The following FAM168A variants were observed in gnomAD, a reference collection of about 807,000 sequenced individuals.
The protein encoded by FAM168A is family with sequence similarity 168 member A.
A neutral mutation model predicts 28.5 loss-of-function variants in FAM168A; 3 were observed. The observed-to-expected ratio is 0.11, with a 90% CI of 0.05 to 0.27. FAM168A has a LOEUF of 0.27. Among genes scored for constraint, FAM168A ranks in the 10% least tolerant of loss-of-function variants. The probability of loss-of-function intolerance (pLI) is 1.00; values close to 1 mark genes in which losing one functional copy is unlikely to be tolerated. For synonymous variants in FAM168A, 122 were observed against 124.2 expected, an observed-to-expected ratio of 0.98 and a Z score of 0.12; for missense variants, 222 against 311.5, an observed-to-expected ratio of 0.71 and a Z score of 2.16.
intron 1 of FAM168A, among the ~76,000 whole-genome samples, chr11:73,567,542 G>C (rs972017119): frequency 6.6e-5 from 10 of 152,068 alleles, no homozygotes; most frequent in Non-Finnish European, 1.5e-4. Flanking sequence ...ACTGCTAATA[G>C]TATCCATTTT....
chr11:73,595,230 T>C (rs879324110), intron 1 of FAM168A, among the ~76,000 whole-genome samples: 1 of 152,222 alleles, frequency 6.6e-6, no homozygotes, highest in Non-Finnish European at 1.5e-5. Flanking sequence ...ACAGTCTCAC[T>C]GAATTACAGG....
chr11:73,536,347 A>G lies in FAM168A; in HGVS notation c.-19+61576T>C, dbSNP rs1943580725. ...TGCTTGTCTTCATCAAAGTTTGTCA[A>G]TGGTGAATCATATCAGGTGAACCTC... On this transcript the variant is annotated intron_variant, in intron 1 of 7. Transcript: ENST00000356467. 2.6e-5 allele frequency among the ~76,000 whole-genome samples: 4 copies of G among 152,278 alleles called. No homozygotes were observed. The South Asian group carries it at 8.3e-4, about 32-fold the overall frequency.
chr11:73,569,528 A>C (rs1944060975), intron 1 of FAM168A, among the ~76,000 whole-genome samples: 1 of 152,234 alleles, frequency 6.6e-6, no homozygotes, highest in African/African-American at 2.4e-5. Flanking sequence ...TGTATTCCTA[A>C]GAAAACAGAT....
intron 1 of FAM168A, among the ~76,000 whole-genome samples, chr11:73,468,839 T>C (rs2134576948): frequency 6.6e-6 from 1 of 152,314 alleles, no homozygotes; most frequent in East Asian, 1.9e-4. Flanking sequence ...GACTTCAATG[T>C]CCTGATATAA....
At chr11:73,552,807 A>G (rs889427310) in intron 1 of FAM168A, among the ~76,000 whole-genome samples, 2 of 152,138 alleles carry the variant, frequency 1.3e-5, no homozygotes, top group African/African-American at 2.4e-5. Flanking sequence ...AAATACAAAA[A>G]TTAGCCTGGT....
intron 1 of FAM168A, chr11:73,580,406 C>A: frequency 1.6e-6 from 1 of 619,804 alleles, no homozygotes; most frequent in South Asian, 1.4e-5. Flanking sequence ...AGAGAAGGTA[C>A]CCAAAGGGAA....
At chr11:73,488,951 C>T (rs505587) in intron 1 of FAM168A, among the ~76,000 whole-genome samples, 38,229 of 151,996 alleles carry the variant, frequency 0.25, 5,244 homozygotes, top group South Asian at 0.35. Context: ...TGCAGTGGTG[C>T]GATCTCAGCT....
chr11:73,588,819 T>C (rs1409115416), intron 1 of FAM168A, among the ~76,000 whole-genome samples: 2 of 152,190 alleles, frequency 1.3e-5, no homozygotes, highest in African/African-American at 4.8e-5. Flanking sequence ...TAGGTTTAGA[T>C]GATTTATAAT....
At chr11:73,582,441 T>A (rs1017851166) in intron 1 of FAM168A, among the ~76,000 whole-genome samples, 1 of 151,658 alleles carries the variant, frequency 6.6e-6, no homozygotes, top group African/African-American at 2.4e-5. Flanking sequence ...GAGATTGGCA[T>A]GAACCCAGGA....
At chr11:73,422,555 G>A (rs746798886) in intron 3 of FAM168A, among the ~76,000 whole-genome samples, 2 of 152,184 alleles carry the variant, frequency 1.3e-5, no homozygotes, top group Non-Finnish European at 2.9e-5. Context: ...GCTCAGTTGT[G>A]GGATGAAGAC....
intron 1 of FAM168A, among the ~76,000 whole-genome samples, chr11:73,515,345 G>C (rs977570231): frequency 3.3e-5 from 5 of 151,868 alleles, no homozygotes; most frequent in African/African-American, 1.2e-4. Context: ...CTCCATCTCT[G>C]CCAAAAATAC....
rs185331317 is a variant in FAM168A, at chr11:73,476,490, G to T, written c.-18-7998C>A. 3.0e-3 allele frequency among the ~76,000 whole-genome samples: 455 copies of T among 152,046 alleles called. 5 individuals are homozygous for T. The highest frequency in any genetic ancestry group is 0.01 in the African/African-American group (434 of 41,446). ...GGTGGGTGGGTGGAATCCGAATCAAGAATTGCTACAATATATTATCTAAAA... is the reference window on the plus strand; with the variant it reads ...GGTGGGTGGGTGGAATCCGAATCAATAATTGCTACAATATATTATCTAAAA... On this transcript the variant is annotated intron_variant, in intron 1 of 7. Transcript: ENST00000356467.
chr11:73,423,404 T>C (rs1351737484), intron 3 of FAM168A, among the ~76,000 whole-genome samples: 1 of 152,198 alleles, frequency 6.6e-6, no homozygotes, highest in Non-Finnish European at 1.5e-5. Context: ...AAGCTAAAGT[T>C]TGAACTCCTG....
intron 1 of FAM168A, among the ~76,000 whole-genome samples, chr11:73,553,695 T>C (rs531177504): frequency 1.3e-5 from 2 of 152,240 alleles, no homozygotes; most frequent in South Asian, 2.1e-4. Context: ...TAAAAAGTTA[T>C]ACCTGGCCGG....
intron 1 of FAM168A, among the ~76,000 whole-genome samples, chr11:73,556,403 T>TTAA (rs942853179): frequency 4.0e-5 from 6 of 148,724 alleles, no homozygotes; most frequent in South Asian, 2.1e-4. Context: ...CACTAGCAAA[T>TTAA]TAATAATAAT....
chr11:73,444,609 C>T (rs924146734), intron 2 of FAM168A, among the ~76,000 whole-genome samples: 1 of 152,234 alleles, frequency 6.6e-6, no homozygotes, highest in African/African-American at 2.4e-5. Context: ...AGTGTCCCCA[C>T]ATTTTTGCCT....
At chr11:73,589,343 T>C (rs990531034) in intron 1 of FAM168A, among the ~76,000 whole-genome samples, 1 of 152,162 alleles carries the variant, frequency 6.6e-6, no homozygotes, top group African/African-American at 2.4e-5. Flanking sequence ...TGGTTCAGAC[T>C]GTACAAGGCA....
chr11:73,593,346 A>G (rs897621509), intron 1 of FAM168A, among the ~76,000 whole-genome samples: 9 of 152,182 alleles, frequency 5.9e-5, no homozygotes, highest in African/African-American at 2.2e-4. Flanking sequence ...TACATATGAC[A>G]TATTTTACAA....
chr11:73,455,533 G>A (rs1037579761), intron 2 of FAM168A, among the ~76,000 whole-genome samples: 4 of 152,206 alleles, frequency 2.6e-5, no homozygotes, highest in African/African-American at 7.2e-5. Flanking sequence ...CTCTGAGATA[G>A]TATTTGTCTC....
Sources: gnomAD v4.1 joint callset for allele counts (sites outside exome capture counted in the v4.1 genomes callset) on GRCh38, gnomAD v4.1.1 for gene constraint, MANE v1.5 for transcripts, NCBI Gene and HGNC (gene_info 2026-07-23, HGNC 2026-07-21) for gene names.